The following CHM variants were observed in gnomAD, a reference collection of about 807,000 sequenced individuals.
The protein encoded by CHM is rab proteins geranylgeranyltransferase component A 1.
In CHM, 10 loss-of-function variants were observed where a neutral mutation model predicts 49.0. That is an observed-to-expected ratio of 0.20 (90% CI 0.13 to 0.35). CHM has a LOEUF of 0.35. Among genes scored for constraint, CHM ranks in the 10% least tolerant of loss-of-function variants. CHM has a pLI of 1.00. For missense variants in CHM, 455 were observed against 478.4 expected (o/e 0.95, Z 0.46); for synonymous variants, 184 against 167.5 (o/e 1.10, Z -0.76).
At chrX:86,038,172 A>T (rs1934321650) in intron 1 of CHM, among the ~76,000 whole-genome samples, 1 of 111,934 alleles carries the variant, frequency 8.9e-6, no homozygotes, top group African/African-American at 3.3e-5. Flanking sequence ...AAAGATTTTT[A>T]AAAAGCTACA....
intron 1 of CHM, among the ~76,000 whole-genome samples, chrX:86,039,598 T>C (rs1934381744): frequency 1.8e-5 from 2 of 108,269 alleles, no homozygotes; most frequent in Admixed American, 2.0e-4. Flanking sequence ...GCAGGGAAAT[T>C]CTAGGCAGAA....
chrX:85,947,938 A>G (rs1569422350), intron 8 of CHM, among the ~76,000 whole-genome samples: 3 of 111,959 alleles, frequency 2.7e-5, no homozygotes, highest in Non-Finnish European at 5.6e-5. Context: ...TCTTTTAGCA[A>G]TTCTACCACA....
chrX:86,008,661 A>G (rs1392419711), intron 2 of CHM, among the ~76,000 whole-genome samples: 2 of 111,708 alleles, frequency 1.8e-5, no homozygotes, highest in Admixed American at 1.9e-4. Flanking sequence ...GGGCTAAAAA[A>G]ATTTTCTAGT....
chrX:86,005,693 C>G (rs1359238031), intron 2 of CHM, among the ~76,000 whole-genome samples: 1 of 111,709 alleles, frequency 9.0e-6, no homozygotes, highest in African/African-American at 3.3e-5. Context: ...GACACATACA[C>G]TCTCTCAAGA....
chrX:85,934,067 G>A (rs1338651449), intron 8 of CHM, among the ~76,000 whole-genome samples: 1 of 106,503 alleles, frequency 9.4e-6, no homozygotes, highest in Non-Finnish European at 1.9e-5. Context: ...TGCAACCTCC[G>A]CCTCCTGGGT....
intron 12 of CHM, among the ~76,000 whole-genome samples, chrX:85,893,155 G>A (rs184911429): frequency 1.6e-3 from 183 of 111,539 alleles, no homozygotes; most frequent in African/African-American, 5.6e-3. Flanking sequence ...TGTTCCATTA[G>A]GTGAGCAGTA....
At chrX:85,913,636 G>T (rs1361797703) in intron 8 of CHM, among the ~76,000 whole-genome samples, 1 of 110,780 alleles carries the variant, frequency 9.0e-6, no homozygotes, top group Non-Finnish European at 1.9e-5. Context: ...TGACCTCCAG[G>T]ATGGTAAGAT....
chrX:85,954,346 C>G (rs1328113987), intron 8 of CHM, among the ~76,000 whole-genome samples: 1 of 111,695 alleles, frequency 9.0e-6, no homozygotes, highest in Non-Finnish European at 1.9e-5. Flanking sequence ...TTAGTACAAC[C>G]ACTGTGGAGA....
chrX:85,920,437 G>A (rs1927725799), intron 8 of CHM, among the ~76,000 whole-genome samples: 2 of 111,783 alleles, frequency 1.8e-5, no homozygotes, highest in African/African-American at 6.5e-5. Flanking sequence ...AAGCACAGTA[G>A]TAGGGAGTTC....
chrX:85,979,228 T>A (rs1476322781), intron 3 of CHM, among the ~76,000 whole-genome samples: 1 of 111,972 alleles, frequency 8.9e-6, no homozygotes, highest in African/African-American at 3.2e-5. Context: ...GAGAATCAAG[T>A]ATATCTGTTA....
intron 2 of CHM, among the ~76,000 whole-genome samples, chrX:85,991,920 C>T (rs1468733364): frequency 9.0e-6 from 1 of 111,088 alleles, no homozygotes; most frequent in Non-Finnish European, 1.9e-5. Flanking sequence ...ACTGGTGCTA[C>T]AATTATCCCC....
chrX:85,913,222 A>C (rs1224015968), intron 8 of CHM, among the ~76,000 whole-genome samples: 1 of 98,491 alleles, frequency 1.0e-5, no homozygotes, highest in African/African-American at 3.7e-5. Context: ...AGGCTGAGGC[A>C]GGAGAATCAC....
intron 4 of CHM, among the ~76,000 whole-genome samples, chrX:85,965,671 A>C (rs1160300568): frequency 8.9e-6 from 1 of 112,012 alleles, no homozygotes; most frequent in African/African-American, 3.3e-5. Context: ...GAAAAAAAGA[A>C]GTGCCTTATT....
chrX:85,881,850 A>T (rs1924781218), intron 12 of CHM, among the ~76,000 whole-genome samples: 1 of 112,218 alleles, frequency 8.9e-6, no homozygotes, highest in Admixed American at 9.5e-5. Context: ...ACTGTAATAT[A>T]TTTATGACAG....
chrX:86,015,962 G>A (rs903319700), intron 2 of CHM, among the ~76,000 whole-genome samples: 32 of 110,831 alleles, frequency 2.9e-4, no homozygotes, highest in Admixed American at 1.5e-3. Flanking sequence ...GTGAAACCCC[G>A]TCTCTACTGA....
chrX:85,894,141 C>CAA, intron 12 of CHM, 47 bp downstream of exon 12: 1 of 958,516 alleles, frequency 1.0e-6, no homozygotes, highest in Admixed American at 2.2e-5. Flanking sequence ...GCCCCCTTTA[C>CAA]CCCCTAAACA....
chrX:85,942,286 C>G (rs1367968601), intron 8 of CHM, among the ~76,000 whole-genome samples: 1 of 96,324 alleles, frequency 1.0e-5, no homozygotes, highest in African/African-American at 3.8e-5. Context: ...CAACCCCCAA[C>G]CCCAAGTCTT....
chrX:86,038,850 A>T (rs1340218251), intron 1 of CHM, among the ~76,000 whole-genome samples: 1 of 112,420 alleles, frequency 8.9e-6, no homozygotes, highest in Non-Finnish European at 1.9e-5. Flanking sequence ...TTTAATGTCA[A>T]CAATGATAAC....
intron 12 of CHM, among the ~76,000 whole-genome samples, chrX:85,893,289 T>C (rs1431887989): frequency 8.9e-6 from 1 of 111,761 alleles, no homozygotes; most frequent in Non-Finnish European, 1.9e-5. Flanking sequence ...TGAAATAGCC[T>C]CAAGAAATAT....
Sources: allele counts gnomAD v4.1 joint callset (sites outside exome capture counted in the v4.1 genomes callset), GRCh38; gene constraint gnomAD v4.1.1; transcripts MANE v1.5; gene names NCBI Gene and HGNC (gene_info 2026-07-23, HGNC 2026-07-21).